ATF2: variants seen among roughly 807,000 people sequenced by gnomAD.
The protein encoded by ATF2 is cyclic AMP-dependent transcription factor ATF-2.
In ATF2, 24 loss-of-function variants were observed where a neutral mutation model predicts 60.6. The observed-to-expected ratio is 0.40, with a 90% CI of 0.29 to 0.56. The LOEUF is 0.56. Ranked by LOEUF, ATF2 falls within the 20% of genes least tolerant of loss-of-function variation. The pLI, the probability that ATF2 is intolerant of heterozygous loss-of-function variation, is 0.54. For synonymous variants in ATF2, 206 were observed against 215.4 expected (o/e 0.96, Z 0.38); for missense variants, 433 against 607.7 (o/e 0.71, Z 3.02).
intron 1 of ATF2, among the ~76,000 whole-genome samples, chr2:175,159,995 G>C (rs955039756): frequency 3.3e-5 from 5 of 152,102 alleles, no homozygotes; most frequent in African/African-American, 1.2e-4. Context: ...AATAGAAATA[G>C]AAATTCAGTT....
At position 175,155,066 on chromosome 2, in the gene ATF2, G is replaced by GT. The variant is rs1699588102; in HGVS notation, c.-142-3909_-142-3908insA. Among the ~76,000 whole-genome samples the GT allele has an allele frequency of 3.9e-5, 6 of 152,072 alleles. No individual in the cohort carries two copies. The South Asian group carries it at 1.0e-3, about 26-fold the overall frequency. On this transcript the variant is annotated intron_variant, in intron 1 of 13. Transcript: ENST00000264110. Reference sequence around the variant, plus strand: ...GCAGTATGGGATACAGACAAAGTGGGGTATGTATTACTAAAGGTACACACT... The same window carrying GT: ...GCAGTATGGGATACAGACAAAGTGGGTGTATGTATTACTAAAGGTACACACT...
intron 10 of ATF2, among the ~76,000 whole-genome samples, chr2:175,103,656 T>G (rs1695454430): frequency 6.6e-6 from 1 of 151,498 alleles, no homozygotes; most frequent in Non-Finnish European, 1.5e-5. Context: ...GCAAAGATAT[T>G]TCTCAGTTTG....
At chr2:175,108,934 G>A (rs140432850) in intron 10 of ATF2, among the ~76,000 whole-genome samples, 2,696 of 152,064 alleles carry the variant, frequency 0.018, 99 homozygotes, top group African/African-American at 0.062. Flanking sequence ...GATTAAGGGC[G>A]GTGCAAGATG....
chr2:175,127,396 CTCCAAAACATA>C (rs1424481872), intron 4 of ATF2, among the ~76,000 whole-genome samples: 1 of 151,938 alleles, frequency 6.6e-6, no homozygotes, highest in Non-Finnish European at 1.5e-5. Context: ...TCAAATATAT[CTCCAAAACATA>C]TGTCAAATTA....
intron 5 of ATF2, among the ~76,000 whole-genome samples, chr2:175,120,649 G>GAAT (rs1387122629): frequency 1.3e-5 from 2 of 151,550 alleles, no homozygotes; most frequent in African/African-American, 4.8e-5. Flanking sequence ...GAGTTAATCT[G>GAAT]AATATTTATG....
Position 175,118,377 on chromosome 2 carries a change from A to C in ATF2, c.200-8T>G. ...TTGGTGTTGGGGTCTGATCTGAAAT[A>C]AATGTCAAGAAGTAATCATGCATAT... is the stretch of plus-strand genomic sequence containing the variant. On this transcript the variant is annotated splice_polypyrimidine_tract_variant and splice_region_variant and intron_variant, in intron 5 of 13. Coordinates refer to ENST00000264110, the MANE Select transcript of ATF2 (RefSeq NM_001880.4). 1 of 1,594,030 alleles carries C rather than the reference A, an allele frequency of 6.3e-7. No homozygotes were observed. The highest frequency in any genetic ancestry group is 8.6e-7 in the Non-Finnish European group (1 of 1,167,202).
intron 7 of ATF2, among the ~76,000 whole-genome samples, chr2:175,117,167 C>T (rs982584689): frequency 6.6e-6 from 1 of 151,100 alleles, no homozygotes; most frequent in Admixed American, 6.6e-5. Context: ...GTTTTCTTTT[C>T]ATGTTTCTGT....
intron 11 of ATF2, among the ~76,000 whole-genome samples, chr2:175,096,831 G>A (rs1218289943): frequency 1.3e-5 from 2 of 152,124 alleles, no homozygotes; most frequent in Non-Finnish European, 2.9e-5. Flanking sequence ...TCTTAACAAA[G>A]AAGTTGTTAT....
intron 4 of ATF2, among the ~76,000 whole-genome samples, chr2:175,124,290 A>G (rs1240260326): frequency 1.3e-5 from 2 of 151,786 alleles, no homozygotes; most frequent in Non-Finnish European, 2.9e-5. Context: ...GTGAAAAAAA[A>G]AAAGATTTTT....
intron 2 of ATF2, among the ~76,000 whole-genome samples, chr2:175,137,116 G>C (rs1185706556): frequency 2.6e-5 from 4 of 152,130 alleles, no homozygotes; most frequent in Non-Finnish European, 5.9e-5. Flanking sequence ...GAGGAAAATT[G>C]CATTTTTCAT....
At chr2:175,102,087 C>A (rs557804016) in intron 10 of ATF2, among the ~76,000 whole-genome samples, 3 of 151,868 alleles carry the variant, frequency 2.0e-5, no homozygotes, top group African/African-American at 4.8e-5. Context: ...AAAAAAAAAT[C>A]AATGAAAACA....
Position 175,114,624 on chromosome 2 carries a change from A to G in ATF2, c.626+66T>C, listed in dbSNP as rs994008458. 44 of 1,556,802 alleles carry G rather than the reference A, an allele frequency of 2.8e-5. No homozygotes were observed. The Admixed American group carries it at 5.9e-4, about 21-fold the overall frequency. Reference sequence around the variant, plus strand: ...CTTAGTTTGAATAATCAAATGTCTTAGGAAAAATCATTACAAAACAAACTT... The same window carrying G: ...CTTAGTTTGAATAATCAAATGTCTTGGGAAAAATCATTACAAAACAAACTT... On this transcript the variant is annotated intron_variant, in intron 8 of 13. Coordinates refer to ENST00000264110, the MANE Select transcript of ATF2 (RefSeq NM_001880.4).
At chr2:175,146,677 T>G (rs1206170132) in intron 2 of ATF2, among the ~76,000 whole-genome samples, 1 of 152,208 alleles carries the variant, frequency 6.6e-6, no homozygotes, top group Non-Finnish European at 1.5e-5. Flanking sequence ...GGCTTTAAAC[T>G]GTGTACTGTT....
intron 4 of ATF2, among the ~76,000 whole-genome samples, chr2:175,125,508 A>T (rs1487705394): frequency 6.6e-6 from 1 of 152,120 alleles, no homozygotes; most frequent in African/African-American, 2.4e-5. Context: ...TAAAAAATTG[A>T]TTTAGCTTTT....
chr2:175,074,532 A>G lies in ATF2; in HGVS notation c.*77T>C. 2.0e-6 allele frequency: 3 copies of G among 1,470,482 alleles called. No homozygotes were observed. The highest frequency in any genetic ancestry group is 2.7e-5 in the South Asian group (2 of 73,852). The allele number at this position is 1,470,482 out of a possible 1,614,324, so 91.1% of individuals were successfully genotyped here. On this transcript the variant is annotated 3_prime_UTR_variant, in exon 14 of 14. Transcript: ENST00000264110. The stretch of plus-strand genomic sequence containing the variant: ...ATTTACAACCACAGATTTCGCATAA[A>G]TGGAAACTGGTCTTTCCTTGATTTC...
intron 1 of ATF2, among the ~76,000 whole-genome samples, chr2:175,158,125 T>A (rs1699801267): frequency 6.6e-6 from 1 of 152,026 alleles, no homozygotes. Context: ...ACCTTGGGAA[T>A]AGCAAAGTGG....
At chr2:175,142,000 G>A (rs1698578631) in intron 2 of ATF2, among the ~76,000 whole-genome samples, 2 of 151,772 alleles carry the variant, frequency 1.3e-5, no homozygotes, top group East Asian at 1.9e-4. Context: ...GAAAAATAGG[G>A]AAGAGCAAAT....
At position 175,106,733 on chromosome 2, in the gene ATF2, G is replaced by A. The variant is rs1695694901; in HGVS notation, c.828+4835C>T. 2.6e-5 allele frequency among the ~76,000 whole-genome samples: 4 copies of A among 152,276 alleles called. No individual in the cohort carries two copies. The South Asian group carries it at 6.2e-4, about 24-fold the overall frequency. ...AGCCTGTAATCCCAGCTACTCGGGA[G>A]GCTGAGGCAGGAAAACTGCGTGAAC... is the stretch of plus-strand genomic sequence containing the variant. On this transcript the variant is annotated intron_variant, in intron 10 of 13. Coordinates refer to ENST00000264110, the MANE Select transcript of ATF2 (RefSeq NM_001880.4).
chr2:175,098,153 T>C (rs1030892370), intron 10 of ATF2, among the ~76,000 whole-genome samples: 1 of 152,206 alleles, frequency 6.6e-6, no homozygotes, highest in Admixed American at 6.5e-5. Context: ...TCTTATACTT[T>C]TGGGTATTCC....
Sources: allele counts gnomAD v4.1 joint callset (sites outside exome capture counted in the v4.1 genomes callset), GRCh38; gene constraint gnomAD v4.1.1; transcripts MANE v1.5; gene names NCBI Gene and HGNC (gene_info 2026-07-23, HGNC 2026-07-21).